GALNTL6: variants seen among roughly 807,000 people sequenced by gnomAD.
GALNTL6 encodes polypeptide N-acetylgalactosaminyltransferase like 6.
In GALNTL6, 46 loss-of-function variants were observed where a neutral mutation model predicts 73.7. The observed-to-expected ratio is 0.62, with a 90% confidence interval of 0.49 to 0.80. The LOEUF (loss-of-function observed/expected upper bound fraction) is 0.80, where lower values mean the gene tolerates loss of function less well. Ranked by LOEUF, GALNTL6 falls within the 30% of genes least tolerant of loss-of-function variation. GALNTL6 has a pLI of 0.00. For synonymous variants in GALNTL6, 259 were observed against 263.7 expected (o/e 0.98, Z 0.17); for missense variants, 604 against 755.0 (o/e 0.80, Z 2.34).
chr4:171,980,647 C>A (rs1489962350), intron 2 of GALNTL6, among the ~76,000 whole-genome samples: 1 of 152,158 alleles, frequency 6.6e-6, no homozygotes, highest in Non-Finnish European at 1.5e-5. Context: ...GGCTAACACA[C>A]AATCGGAAGC....
intron 2 of GALNTL6, among the ~76,000 whole-genome samples, chr4:172,011,583 T>A (rs562386982): frequency 1.4e-4 from 22 of 152,196 alleles, no homozygotes; most frequent in African/African-American, 5.1e-4. Flanking sequence ...GCACTTTTAT[T>A]TTTCAACTCA....
At chr4:172,048,502 T>C (rs960744788) in intron 2 of GALNTL6, among the ~76,000 whole-genome samples, 4 of 152,118 alleles carry the variant, frequency 2.6e-5, no homozygotes, top group Non-Finnish European at 4.4e-5. Flanking sequence ...TAATCATAGA[T>C]GCTACTATGA....
intron 6 of GALNTL6, among the ~76,000 whole-genome samples, chr4:172,811,662 TG>T (rs1041443510): frequency 6.6e-6 from 1 of 152,090 alleles, no homozygotes; most frequent in Non-Finnish European, 1.5e-5. Context: ...GAAATGGTGC[TG>T]GGGGGTCTCT....
chr4:172,477,253 A>T (rs1340406342), intron 5 of GALNTL6, among the ~76,000 whole-genome samples: 1 of 150,442 alleles, frequency 6.6e-6, no homozygotes, highest in Non-Finnish European at 1.5e-5. Flanking sequence ...TTTAATATTT[A>T]AAAATATTAT....
intron 12 of GALNTL6, among the ~76,000 whole-genome samples, chr4:173,024,514 C>A (rs1402107958): frequency 6.6e-6 from 1 of 152,202 alleles, no homozygotes; most frequent in Non-Finnish European, 1.5e-5. Flanking sequence ...AAAGAGAAAT[C>A]TCTCTGGTGT....
At chr4:172,087,450 A>C (rs188779189) in intron 2 of GALNTL6, among the ~76,000 whole-genome samples, 1,792 of 147,872 alleles carry the variant, frequency 0.012, 66 homozygotes, top group African/African-American at 0.04. Flanking sequence ...ATCCCAAAAA[A>C]AAAAAAAACA....
At chr4:172,001,703 T>A (rs1354261568) in intron 2 of GALNTL6, among the ~76,000 whole-genome samples, 1 of 152,110 alleles carries the variant, frequency 6.6e-6, no homozygotes, top group Admixed American at 6.6e-5. Context: ...GCAAGCACTA[T>A]ATATGGGCAT....
chr4:172,093,794 G>C (rs146873300), intron 2 of GALNTL6, among the ~76,000 whole-genome samples: 8 of 152,144 alleles, frequency 5.3e-5, no homozygotes, highest in Non-Finnish European at 5.9e-5. Context: ...CAGGTTGCAG[G>C]CTTCTTGAGA....
intron 2 of GALNTL6, among the ~76,000 whole-genome samples, chr4:171,932,928 C>T (rs1165944941): frequency 6.6e-6 from 1 of 152,106 alleles, no homozygotes; most frequent in Non-Finnish European, 1.5e-5. Context: ...GTCTTAAATC[C>T]TTGTGCTCAA....
intron 2 of GALNTL6, among the ~76,000 whole-genome samples, chr4:171,998,365 C>T (rs1230503268): frequency 2.0e-5 from 3 of 152,088 alleles, no homozygotes; most frequent in African/African-American, 4.8e-5. Context: ...TTTGAGGCCT[C>T]TTTCCTGGGC....
intron 5 of GALNTL6, among the ~76,000 whole-genome samples, chr4:172,370,196 A>T (rs1247243817): frequency 6.6e-6 from 1 of 152,134 alleles, no homozygotes; most frequent in Non-Finnish European, 1.5e-5. Flanking sequence ...TGAGGTCCTC[A>T]ATAGAAGTTG....
chr4:172,688,027 A>G lies in GALNTL6; in HGVS notation c.554-121334A>G, dbSNP rs1209902324. On this transcript the variant is annotated intron_variant, in intron 5 of 12. Transcript: ENST00000506823. ...GCAAATGTGTTCCTAGGAATAGAAT[A>G]CATTTAAATACTATTTCCTAGATAC... is the stretch of plus-strand genomic sequence containing the variant. Among the ~76,000 whole-genome samples the G allele has an allele frequency of 3.9e-5, 6 of 152,332 alleles. No homozygotes were observed. The East Asian group carries it at 1.2e-3, about 29-fold the overall frequency.
intron 2 of GALNTL6, among the ~76,000 whole-genome samples, chr4:172,131,059 C>G (rs1185618418): frequency 6.6e-6 from 1 of 151,850 alleles, no homozygotes; most frequent in East Asian, 1.9e-4. Context: ...TTTAGCCAAT[C>G]CTAAAAGTGT....
chr4:172,073,519 G>C (rs761880699), intron 2 of GALNTL6, among the ~76,000 whole-genome samples: 2 of 152,178 alleles, frequency 1.3e-5, no homozygotes, highest in Non-Finnish European at 2.9e-5. Flanking sequence ...TGGCTGCTAT[G>C]ATTTTGATTG....
rs146993345 is a variant in GALNTL6, at chr4:172,096,683, C to A, written c.139-132973C>A. Among the ~76,000 whole-genome samples, 38 of 151,980 alleles carry A rather than the reference C, an allele frequency of 2.5e-4. No individual in the cohort carries two copies. In the East Asian group the frequency reaches 6.8e-3, roughly 27 times the overall value. ...AATTTTTCTGTTTATTCATGTTAGA[C>A]CATTTCTTTTGTATTCTTAATGCTC... On this transcript the variant is annotated intron_variant, in intron 2 of 12. Coordinates refer to ENST00000506823, the MANE Select transcript of GALNTL6 (RefSeq NM_001034845.3).
At chr4:172,299,282 T>C (rs1318834468) in intron 3 of GALNTL6, among the ~76,000 whole-genome samples, 2 of 152,174 alleles carry the variant, frequency 1.3e-5, no homozygotes, top group Admixed American at 1.3e-4. Flanking sequence ...GTCTTGCTAG[T>C]GGTCTATCAA....
intron 12 of GALNTL6, 148 bp downstream of exon 12, chr4:173,021,773 C>A: frequency 2.7e-6 from 2 of 754,558 alleles, no homozygotes; most frequent in African/African-American, 3.5e-5. Context: ...GTGGGCAGAT[C>A]ACCTGAGGTT....
At chr4:172,974,945 A>G (rs1247461821) in intron 10 of GALNTL6, among the ~76,000 whole-genome samples, 1 of 152,230 alleles carries the variant, frequency 6.6e-6, no homozygotes, top group Non-Finnish European at 1.5e-5. Flanking sequence ...CAGGAACCAC[A>G]GAGCTCCAAA....
intron 5 of GALNTL6, chr4:172,667,113 C>T (rs1731707775): frequency 6.6e-6 from 1 of 152,222 alleles, no homozygotes; most frequent in Non-Finnish European, 1.5e-5. Flanking sequence ...CCTTTCTAGG[C>T]TTTCCCTATC....
Sources: gnomAD v4.1 joint callset for allele counts (sites outside exome capture counted in the v4.1 genomes callset) on GRCh38, gnomAD v4.1.1 for gene constraint, MANE v1.5 for transcripts, NCBI Gene and HGNC (gene_info 2026-07-23, HGNC 2026-07-21) for gene names.